DLG2: variants seen among roughly 807,000 people sequenced by gnomAD.
The protein encoded by DLG2 is disks large homolog 2.
DLG2 carries 45 observed loss-of-function variants against 132.5 expected under a neutral mutation model. The ratio of observed to expected loss-of-function variants is 0.34; its 90% confidence interval spans 0.27 to 0.44. DLG2 has a LOEUF of 0.44. DLG2 is among the 20% of genes least tolerant of loss of function. The pLI is 1.00. For missense variants in DLG2, 1,045 were observed against 1,196.9 expected, an observed-to-expected ratio of 0.87 and a Z score of 1.87; for synonymous variants, 424 against 419.6, an observed-to-expected ratio of 1.01 and a Z score of -0.13.
intron 6 of DLG2, among the ~76,000 whole-genome samples, chr11:84,782,165 A>G (rs2071920324): frequency 6.6e-6 from 1 of 152,064 alleles, no homozygotes; most frequent in South Asian, 2.1e-4. Flanking sequence ...CTCCCATTAT[A>G]AAGACATGTA....
chr11:85,195,753 T>C (rs916464336), intron 4 of DLG2, among the ~76,000 whole-genome samples: 1 of 151,824 alleles, frequency 6.6e-6, no homozygotes, highest in Non-Finnish European at 1.5e-5. Flanking sequence ...GTCTCGATCT[T>C]CTGACCTCGT....
At chr11:84,091,598 G>A (rs2097095005) in intron 10 of DLG2, among the ~76,000 whole-genome samples, 2 of 152,190 alleles carry the variant, frequency 1.3e-5, no homozygotes, top group African/African-American at 4.8e-5. Context: ...CAGTTTAAGG[G>A]AATTTTAGGG....
At chr11:85,402,966 A>T (rs1050480540) in intron 3 of DLG2, among the ~76,000 whole-genome samples, 2 of 152,210 alleles carry the variant, frequency 1.3e-5, no homozygotes, top group Non-Finnish European at 2.9e-5. Context: ...TGGCAATACC[A>T]TCTGACCCAG....
At chr11:85,398,924 G>C (rs1486977618) in intron 3 of DLG2, among the ~76,000 whole-genome samples, 2 of 151,828 alleles carry the variant, frequency 1.3e-5, no homozygotes, top group African/African-American at 2.4e-5. Context: ...ACTATGTTCT[G>C]GCCAGGGCAA....
At chr11:84,242,193 C>T (rs1184842250) in intron 8 of DLG2, among the ~76,000 whole-genome samples, 1 of 152,128 alleles carries the variant, frequency 6.6e-6, no homozygotes, top group Non-Finnish European at 1.5e-5. Context: ...TTCCCGTTGG[C>T]TCTAAATCCA....
Position 84,375,829 on chromosome 11 carries a change from T to C in DLG2, c.520-124538A>G, listed in dbSNP as rs116856596. Among the ~76,000 whole-genome samples the C allele has an allele frequency of 1.9e-3, 287 of 152,206 alleles. 1 individual carries two copies. The highest frequency in any genetic ancestry group is 3.4e-3 in the Non-Finnish European group (231 of 67,918). ...CACATTTATCTTAGATTATCATACA[T>C]ACTTTGTAAGCAGAATATGCCTTCT... is the stretch of plus-strand genomic sequence containing the variant. On this transcript the variant is annotated intron_variant, in intron 7 of 27. Transcript: ENST00000376104.
intron 6 of DLG2, among the ~76,000 whole-genome samples, chr11:85,107,291 C>T (rs921751880): frequency 2.6e-5 from 4 of 151,886 alleles, no homozygotes; most frequent in Non-Finnish European, 4.4e-5. Context: ...TTTTTGTAGC[C>T]AAATCATGTG....
chr11:84,839,969 C>T (rs541588526), intron 6 of DLG2, among the ~76,000 whole-genome samples: 1 of 152,218 alleles, frequency 6.6e-6, no homozygotes, highest in African/African-American at 2.4e-5. Flanking sequence ...GCAATGGCAA[C>T]AAAAGCCAAA....
intron 22 of DLG2, among the ~76,000 whole-genome samples, chr11:83,473,510 C>T (rs1259485741): frequency 1.3e-5 from 2 of 152,024 alleles, no homozygotes. Context: ...TTGGTTTTTG[C>T]CATTTATTTT....
At chr11:84,592,529 C>A (rs182563620) in intron 6 of DLG2, among the ~76,000 whole-genome samples, 124 of 152,092 alleles carry the variant, frequency 8.2e-4, no homozygotes, top group African/African-American at 2.9e-3. Flanking sequence ...AGTGAACAGG[C>A]AAACTACAGA....
intron 3 of DLG2, among the ~76,000 whole-genome samples, chr11:85,294,473 A>C (rs2079101099): frequency 6.6e-6 from 1 of 152,154 alleles, no homozygotes; most frequent in Non-Finnish European, 1.5e-5. Flanking sequence ...ACTTGGAGAT[A>C]AAAGCACAAG....
chr11:83,770,265 G>GTTTTTTTTTTTTTTTTTTTTTTT lies in DLG2; in HGVS notation c.1825+16424_1825+16425insAAAAAAAAAAAAAAAAAAAAAAA, dbSNP rs71066064. On this transcript the variant is annotated intron_variant, in intron 18 of 27. Transcript: ENST00000376104. ...CTCGTGGTGTCTGGTGTTTTTTTTT[G>GTTTTTTTTTTTTTTTTTTTTTTT]TTTTTTTGCTTTTTGTACAAAGATT... Among the ~76,000 whole-genome samples, 63 of 128,766 alleles carry GTTTTTTTTTTTTTTTTTTTTTTT rather than the reference G, an allele frequency of 4.9e-4. 1 individual carries two copies. Among genetic ancestry groups the GTTTTTTTTTTTTTTTTTTTTTTT allele is most frequent in the African/African-American group, 1.1e-3 (35 of 30,562 alleles). The allele number at this position is 128,766 out of a possible 152,430, so 84.5% of individuals were successfully genotyped here.
chr11:83,990,146 C>T (rs966822943), intron 11 of DLG2, among the ~76,000 whole-genome samples: 2 of 151,992 alleles, frequency 1.3e-5, no homozygotes, highest in Admixed American at 6.6e-5. Context: ...GTAATCATTT[C>T]ACAAAAGGAA....
chr11:84,940,341 C>T (rs1183591566), intron 6 of DLG2, among the ~76,000 whole-genome samples: 4 of 152,128 alleles, frequency 2.6e-5, no homozygotes, highest in South Asian at 2.1e-4. Flanking sequence ...TTAGTAGAGA[C>T]AGGGTTTCAT....
chr11:84,508,255 G>A (rs754943059), intron 7 of DLG2, among the ~76,000 whole-genome samples: 5 of 151,894 alleles, frequency 3.3e-5, no homozygotes, highest in African/African-American at 4.8e-5. Flanking sequence ...CTTTTTTGCT[G>A]TTTCTTGAAC....
chr11:84,676,318 T>A (rs971076595), intron 6 of DLG2, among the ~76,000 whole-genome samples: 2 of 152,112 alleles, frequency 1.3e-5, no homozygotes, highest in Admixed American at 1.3e-4. Flanking sequence ...AATTAGTCAG[T>A]TCTTTCTTTT....
At chr11:84,468,885 G>A (rs1365496961) in intron 7 of DLG2, among the ~76,000 whole-genome samples, 1 of 151,492 alleles carries the variant, frequency 6.6e-6, no homozygotes, top group East Asian at 1.9e-4. Flanking sequence ...CTCTAGAGCA[G>A]GGAGACTCAT....
intron 3 of DLG2, among the ~76,000 whole-genome samples, chr11:85,525,885 C>G (rs375532071): frequency 1.3e-5 from 2 of 152,058 alleles, no homozygotes; most frequent in Non-Finnish European, 1.5e-5. Context: ...CAGAGAGTAC[C>G]GGAGATCTAC....
At chr11:85,410,477 T>C (rs997461968) in intron 3 of DLG2, among the ~76,000 whole-genome samples, 1 of 151,774 alleles carries the variant, frequency 6.6e-6, no homozygotes, top group Non-Finnish European at 1.5e-5. Context: ...TGTCATAATA[T>C]AATTATTTTC....
Sources: gnomAD v4.1 joint callset for allele counts (sites outside exome capture counted in the v4.1 genomes callset) on GRCh38, gnomAD v4.1.1 for gene constraint, MANE v1.5 for transcripts, NCBI Gene and HGNC (gene_info 2026-07-23, HGNC 2026-07-21) for gene names.